Variants in NR6A1 observed in about 807,000 individuals in gnomAD.
NR6A1 encodes the protein retinoic acid receptor-related testis-associated receptor.
NR6A1 carries 7 observed loss-of-function variants against 59.1 expected under a neutral mutation model. That is an observed-to-expected ratio of 0.12 (90% CI 0.07 to 0.22). NR6A1 has a LOEUF of 0.22. Among genes scored for constraint, NR6A1 ranks in the 10% least tolerant of loss-of-function variants. The pLI is 1.00. For synonymous variants in NR6A1, 243 were observed against 236.1 expected (o/e 1.03, Z -0.27); for missense variants, 468 against 611.6 (o/e 0.77, Z 2.48).
At chr9:124,697,870 T>G (rs185220361) in intron 2 of NR6A1, among the ~76,000 whole-genome samples, 2 of 152,164 alleles carry the variant, frequency 1.3e-5, no homozygotes, top group Admixed American at 1.3e-4. Flanking sequence ...CATCTGTAAA[T>G]AGGAGATACA....
intron 2 of NR6A1, among the ~76,000 whole-genome samples, chr9:124,564,956 A>G (rs1475117934): frequency 6.6e-6 from 1 of 152,202 alleles, no homozygotes; most frequent in East Asian, 1.9e-4. Flanking sequence ...GAGCACTGAG[A>G]AAAAGACAAG....
At position 124,682,302 on chromosome 9, in the gene NR6A1, G is replaced by A. The variant is rs369016510; in HGVS notation, c.142+51006C>T. Among the ~76,000 whole-genome samples, 5 of 152,184 alleles carry A rather than the reference G, an allele frequency of 3.3e-5. No individual in the cohort carries two copies. The East Asian group carries it at 9.7e-4, about 29-fold the overall frequency. Reference sequence around the variant, plus strand: ...CAGGCATCAGCCATCGCGCCTGGCCGCAACTAACCTTAAAACTACCAAGTA... The same window carrying A: ...CAGGCATCAGCCATCGCGCCTGGCCACAACTAACCTTAAAACTACCAAGTA... On this transcript the variant is annotated intron_variant, in intron 2 of 9. Coordinates refer to ENST00000487099, the MANE Select transcript of NR6A1 (RefSeq NM_033334.4).
intron 2 of NR6A1, among the ~76,000 whole-genome samples, chr9:124,627,903 T>C (rs969635091): frequency 2.2e-4 from 31 of 141,936 alleles, no homozygotes; most frequent in East Asian, 3.9e-4. Context: ...TTTTTTTTTT[T>C]TTTTTTTCAA....
At chr9:124,606,191 C>T (rs1336196066) in intron 2 of NR6A1, among the ~76,000 whole-genome samples, 1 of 152,128 alleles carries the variant, frequency 6.6e-6, no homozygotes, top group Admixed American at 6.6e-5. Flanking sequence ...GTTACTTCTG[C>T]CTAGCTAGTT....
intron 9 of NR6A1, among the ~76,000 whole-genome samples, chr9:124,523,517 GA>G (rs1455564737): frequency 6.8e-6 from 1 of 147,192 alleles, no homozygotes; most frequent in African/African-American, 2.6e-5. Context: ...CTCAAACATT[GA>G]TTTTTTTTTT....
intron 2 of NR6A1, among the ~76,000 whole-genome samples, chr9:124,728,879 G>T (rs1045548241): frequency 6.6e-6 from 1 of 152,044 alleles, no homozygotes; most frequent in African/African-American, 2.4e-5. Flanking sequence ...CATAAGATTT[G>T]ATTTTCTTAT....
At chr9:124,559,146 T>C (rs1834009850) in intron 2 of NR6A1, among the ~76,000 whole-genome samples, 1 of 152,178 alleles carries the variant, frequency 6.6e-6, no homozygotes, top group Non-Finnish European at 1.5e-5. Context: ...TCGAGACATA[T>C]TATTCCTATA....
At chr9:124,586,197 G>A (rs1424714108) in intron 2 of NR6A1, among the ~76,000 whole-genome samples, 1 of 152,084 alleles carries the variant, frequency 6.6e-6, no homozygotes, top group African/African-American at 2.4e-5. Context: ...GATGGATCTA[G>A]GAAAAGTAAT....
intron 2 of NR6A1, among the ~76,000 whole-genome samples, chr9:124,593,285 G>A (rs1323544563): frequency 2.6e-5 from 4 of 152,150 alleles, no homozygotes; most frequent in African/African-American, 9.7e-5. Flanking sequence ...GCCAATACCA[G>A]CTGTTCGGGG....
chr9:124,656,512 T>C (rs560665671), intron 2 of NR6A1, among the ~76,000 whole-genome samples: 58 of 152,250 alleles, frequency 3.8e-4, no homozygotes, highest in African/African-American at 1.3e-3. Context: ...TCCACTTATA[T>C]GAGGTATCTA....
At chr9:124,743,964 C>G (rs1339110142) in intron 1 of NR6A1, among the ~76,000 whole-genome samples, 1 of 152,234 alleles carries the variant, frequency 6.6e-6, no homozygotes, top group Non-Finnish European at 1.5e-5. Context: ...CAGTGGCTCA[C>G]GCCTGTAATC....
chr9:124,572,014 C>T (rs1834452704), intron 2 of NR6A1, among the ~76,000 whole-genome samples: 1 of 151,950 alleles, frequency 6.6e-6, no homozygotes, highest in African/African-American at 2.4e-5. Flanking sequence ...AAAAGGTACC[C>T]TAGGAGCAAA....
At chr9:124,613,576 G>A (rs1383987703) in intron 2 of NR6A1, among the ~76,000 whole-genome samples, 1 of 152,152 alleles carries the variant, frequency 6.6e-6, no homozygotes, top group Non-Finnish European at 1.5e-5. Context: ...TGGGAGGATC[G>A]CTTGAGCCTG....
intron 2 of NR6A1, among the ~76,000 whole-genome samples, chr9:124,568,169 CAAAAAAAAAAAA>C (rs34652433): frequency 4.6e-4 from 14 of 30,436 alleles, no homozygotes; most frequent in Admixed American, 5.7e-4. Context: ...TACTTCATCT[CAAAAAAAAAAAA>C]AAAAAAAAAA....
At chr9:124,669,540 T>G (rs1481980900) in intron 2 of NR6A1, among the ~76,000 whole-genome samples, 1 of 152,134 alleles carries the variant, frequency 6.6e-6, no homozygotes. Flanking sequence ...AAATATCACA[T>G]GTCTCAGACT....
At chr9:124,597,335 CGTAGTTCTTAAA>C (rs1835300518) in intron 2 of NR6A1, among the ~76,000 whole-genome samples, 1 of 136,840 alleles carries the variant, frequency 7.3e-6, no homozygotes, top group Non-Finnish European at 1.5e-5. Flanking sequence ...GTGGATTTAA[CGTAGTTCTTAAA>C]TGATTTTAGT....
In NR6A1 at chr9:124,540,021, C is replaced by G; in HGVS notation, c.596+12G>C. On this transcript the variant is annotated intron_variant, in intron 5 of 9. Transcript: ENST00000487099. Reference sequence around the variant, plus strand: ...CCCTAGATGATGACCATGGGTTTGCCTTAAAGCTCACCTGGAAGACAGTGT... The same window carrying G: ...CCCTAGATGATGACCATGGGTTTGCGTTAAAGCTCACCTGGAAGACAGTGT... 1 of 1,575,174 alleles carries G rather than the reference C, an allele frequency of 6.3e-7. No individual in the cohort carries two copies. The highest frequency in any genetic ancestry group is 8.5e-7 in the Non-Finnish European group (1 of 1,170,278).
rs368417045 is a variant in NR6A1 at position 124,616,647 on chromosome 9, A to G, written c.143-62077T>C. On this transcript the variant is annotated intron_variant, in intron 2 of 9. Transcript: ENST00000487099. ...ACATATATTAGTATTTACAAAACAT[A>G]AAGAGTTCCTAAAAATCAGTAGGAA... 4.3e-4 allele frequency among the ~76,000 whole-genome samples: 66 copies of G among 152,242 alleles called. 1 individual carries two copies. The South Asian group carries it at 9.7e-3, about 22-fold the overall frequency.
At chr9:124,542,868 C>G (rs946300741) in intron 4 of NR6A1, among the ~76,000 whole-genome samples, 2 of 152,140 alleles carry the variant, frequency 1.3e-5, no homozygotes, top group East Asian at 3.9e-4. Context: ...ACTAGTAATT[C>G]CTAAGGCATG....
Sources: gnomAD v4.1 joint callset for allele counts (sites outside exome capture counted in the v4.1 genomes callset) on GRCh38, gnomAD v4.1.1 for gene constraint, MANE v1.5 for transcripts, NCBI Gene and HGNC (gene_info 2026-07-23, HGNC 2026-07-21) for gene names.